The following SMARCC1 variants were observed in gnomAD, a reference collection of about 807,000 sequenced individuals.
SMARCC1 encodes SWI/SNF complex subunit SMARCC1.
A neutral mutation model predicts 147.4 loss-of-function variants in SMARCC1; 43 were observed. The observed-to-expected ratio is 0.29, with a 90% CI of 0.23 to 0.38. The LOEUF is 0.38. SMARCC1 is among the 10% of genes least tolerant of loss of function. The probability of loss-of-function intolerance (pLI) is 1.00; values close to 1 mark genes in which losing one functional copy is unlikely to be tolerated. For synonymous variants in SMARCC1, 495 were observed against 484.4 expected, an observed-to-expected ratio of 1.02 and a Z score of -0.29; for missense variants, 1,119 against 1,381.1, an observed-to-expected ratio of 0.81 and a Z score of 3.01.
chr3:47,598,816 A>ACT (rs1220678517), intron 26 of SMARCC1, among the ~76,000 whole-genome samples: 1 of 110,268 alleles, frequency 9.1e-6, no homozygotes, highest in South Asian at 3.3e-4. Flanking sequence ...CTACAGAGGG[A>ACT]CTCTGTCTCA....
intron 26 of SMARCC1, among the ~76,000 whole-genome samples, chr3:47,598,128 AC>A (rs1420642972): frequency 1.3e-5 from 2 of 151,822 alleles, no homozygotes; most frequent in African/African-American, 2.4e-5. Flanking sequence ...TTCTCTTCCT[AC>A]CCCACATCAC....
intron 1 of SMARCC1, among the ~76,000 whole-genome samples, chr3:47,780,840 AAAC>A (rs1323306604): frequency 6.6e-6 from 1 of 152,260 alleles, no homozygotes; most frequent in Admixed American, 6.5e-5. Context: ...GAAAAAAAAA[AAAC>A]ATTTGTTATA....
At chr3:47,655,684 G>C (rs570764851) in intron 21 of SMARCC1, among the ~76,000 whole-genome samples, 89 of 152,022 alleles carry the variant, frequency 5.9e-4, no homozygotes, top group Non-Finnish European at 6.6e-4. Context: ...CTGGGTGACA[G>C]AGCGAGACTC....
At chr3:47,667,801 C>T (rs1218878945) in intron 19 of SMARCC1, among the ~76,000 whole-genome samples, 1 of 152,150 alleles carries the variant, frequency 6.6e-6, no homozygotes, top group Admixed American at 6.5e-5. Flanking sequence ...TGCGTGAACC[C>T]AGGAGGCAGA....
At chr3:47,620,411 C>T (rs1243540482) in intron 25 of SMARCC1, among the ~76,000 whole-genome samples, 1 of 151,178 alleles carries the variant, frequency 6.6e-6, no homozygotes, top group African/African-American at 2.4e-5. Flanking sequence ...TGTGGTGAGC[C>T]GAGATCATGC....
chr3:47,696,360 C>T (rs559786703), intron 11 of SMARCC1, among the ~76,000 whole-genome samples: 32 of 151,846 alleles, frequency 2.1e-4, no homozygotes, highest in Admixed American at 1.4e-3. Flanking sequence ...GGCAACAGAG[C>T]GAGACTCTGT....
Position 47,720,736 on chromosome 3 carries a change from C to T in SMARCC1, c.647-1G>A. 6.2e-7 allele frequency: 1 copy of T among 1,605,278 alleles called. No individual in the cohort carries two copies. The highest frequency in any genetic ancestry group is 8.5e-7 in the Non-Finnish European group (1 of 1,174,740). ...CTCATCACCGGTCTCAACCATTCTT[C>T]TGGAAGAGAAAAAGAAACAACTTTA... On this transcript the variant is annotated splice_acceptor_variant, in intron 6 of 27. Coordinates refer to ENST00000254480, the MANE Select transcript of SMARCC1 (RefSeq NM_003074.4). LOFTEE classifies it high-confidence loss of function.
At chr3:47,726,196 C>T (rs1455014403) in intron 6 of SMARCC1, among the ~76,000 whole-genome samples, 2 of 151,142 alleles carry the variant, frequency 1.3e-5, no homozygotes, top group Non-Finnish European at 2.9e-5. Context: ...GAGTTCAACA[C>T]CAGCCTAGGA....
chr3:47,645,474 G>GT (rs1278307822), intron 21 of SMARCC1, among the ~76,000 whole-genome samples: 1 of 152,222 alleles, frequency 6.6e-6, no homozygotes, highest in Non-Finnish European at 1.5e-5. Context: ...GGGCCTAAGA[G>GT]TTTGAGGGTA....
At chr3:47,709,424 GC>G (rs1481254183) in intron 9 of SMARCC1, among the ~76,000 whole-genome samples, 1 of 152,040 alleles carries the variant, frequency 6.6e-6, no homozygotes, top group Non-Finnish European at 1.5e-5. Flanking sequence ...GGTGGCTCAT[GC>G]CTGTAATCCC....
chr3:47,692,311 C>G (rs2033799957), intron 12 of SMARCC1, among the ~76,000 whole-genome samples: 1 of 152,156 alleles, frequency 6.6e-6, no homozygotes, highest in Non-Finnish European at 1.5e-5. Flanking sequence ...TTATACCTTA[C>G]TTGTGAAAAT....
At chr3:47,595,901 A>G (rs2032271175) in intron 26 of SMARCC1, among the ~76,000 whole-genome samples, 1 of 151,450 alleles carries the variant, frequency 6.6e-6, no homozygotes, top group Admixed American at 6.6e-5. Context: ...CGCCCAGCTA[A>G]TTTTTTTATT....
At chr3:47,629,048 G>C (rs2032851578) in intron 24 of SMARCC1, among the ~76,000 whole-genome samples, 1 of 152,182 alleles carries the variant, frequency 6.6e-6, no homozygotes, top group Non-Finnish European at 1.5e-5. Context: ...AAACTGTGGA[G>C]AACAATTCTG....
intron 26 of SMARCC1, 25 bp from the exon 27 acceptor site, chr3:47,590,862 G>T (rs767733933): frequency 2.2e-5 from 35 of 1,587,160 alleles, no homozygotes; most frequent in Non-Finnish European, 2.7e-5. Flanking sequence ...TTAAAGTACT[G>T]TAAGTATACT....
chr3:47,713,013 C>T (rs1484661109), intron 8 of SMARCC1, among the ~76,000 whole-genome samples: 1 of 151,964 alleles, frequency 6.6e-6, no homozygotes, highest in Non-Finnish European at 1.5e-5. Flanking sequence ...ATTTAATTTC[C>T]AAAAATAGTT....
chr3:47,654,607 A>C (rs1457940139), intron 21 of SMARCC1, among the ~76,000 whole-genome samples: 1 of 152,250 alleles, frequency 6.6e-6, no homozygotes, highest in African/African-American at 2.4e-5. Context: ...ACAGTTCCAC[A>C]GACTTAGAAG....
chr3:47,711,347 A>G (rs2106798886), intron 8 of SMARCC1, among the ~76,000 whole-genome samples: 1 of 152,346 alleles, frequency 6.6e-6, no homozygotes, highest in East Asian at 1.9e-4. Flanking sequence ...GAGTAAGAAT[A>G]AAATGAAAGG....
intron 6 of SMARCC1, among the ~76,000 whole-genome samples, chr3:47,726,061 CAAAAAA>C (rs546659321): frequency 5.9e-5 from 3 of 50,780 alleles, no homozygotes; most frequent in Admixed American, 3.0e-4. Context: ...GACTCTGTCT[CAAAAAA>C]AAAAAAAAAA....
At chr3:47,708,827 A>G (rs970685699) in intron 9 of SMARCC1, among the ~76,000 whole-genome samples, 4 of 152,108 alleles carry the variant, frequency 2.6e-5, no homozygotes, top group Admixed American at 2.0e-4. Flanking sequence ...AGTTGAAGAG[A>G]CGAGGTCTTG....
Sources: gnomAD v4.1 joint callset for allele counts (sites outside exome capture counted in the v4.1 genomes callset) on GRCh38, gnomAD v4.1.1 for gene constraint, MANE v1.5 for transcripts, NCBI Gene and HGNC (gene_info 2026-07-23, HGNC 2026-07-21) for gene names.